The following DIXDC1 variants were observed in gnomAD, a reference collection of about 807,000 sequenced individuals.
DIXDC1 encodes dixin.
In DIXDC1, 64 loss-of-function variants were observed where a neutral mutation model predicts 103.1. The observed-to-expected ratio is 0.62, with a 90% CI of 0.51 to 0.76. The LOEUF (loss-of-function observed/expected upper bound fraction) is 0.76, where lower values mean the gene tolerates loss of function less well. Ranked by LOEUF, DIXDC1 falls within the 30% of genes least tolerant of loss-of-function variation. The probability of loss-of-function intolerance (pLI) is 0.00; values close to 1 mark genes in which losing one functional copy is unlikely to be tolerated. For synonymous variants in DIXDC1, 266 were observed against 298.5 expected (o/e 0.89, Z 1.12); for missense variants, 759 against 834.2 (o/e 0.91, Z 1.11).
chr11:111,944,354 G>A (rs890038554), intron 1 of DIXDC1, among the ~76,000 whole-genome samples: 7 of 152,180 alleles, frequency 4.6e-5, no homozygotes. Flanking sequence ...TCTAAGAACA[G>A]TAGATACCAC....
rs782507811 is a variant in DIXDC1, at chr11:111,974,008, C to T, written c.317-15C>T. 5.2e-5 allele frequency: 84 copies of T among 1,611,980 alleles called. No homozygotes were observed. The highest frequency in any genetic ancestry group is 2.3e-4 in the Admixed American group (14 of 59,940). On this transcript the variant is annotated splice_polypyrimidine_tract_variant and intron_variant, in intron 3 of 19. Coordinates refer to ENST00000440460, the MANE Select transcript of DIXDC1 (RefSeq NM_001037954.4). ...CTCTTGGTCTGTTTTATTCTTGGTC[C>T]GTTTTATCCTTCAGATATTGTGGAT...
At chr11:111,968,826 G>A (rs1426546376) in intron 3 of DIXDC1, among the ~76,000 whole-genome samples, 188 bp downstream of exon 3, 3 of 152,086 alleles carry the variant, frequency 2.0e-5, no homozygotes, top group African/African-American at 4.8e-5. Flanking sequence ...CCAGGCTGGA[G>A]TGCAATGGCA....
In DIXDC1 at chr11:112,020,775, C is replaced by T. The variant is rs1861732311; in HGVS notation, c.*1739C>T. ...GCAGAGAGAAGGAGCTCAAAAGATA[C>T]TTGATGTCTTTCATGTAAGTTTACC... On this transcript the variant is annotated 3_prime_UTR_variant, in exon 20 of 20. Coordinates refer to ENST00000440460, the MANE Select transcript of DIXDC1 (RefSeq NM_001037954.4). 1 of 152,214 alleles carries T rather than the reference C, an allele frequency of 6.6e-6. No individual in the cohort carries two copies. 9.4% of individuals were successfully genotyped at this position (152,214 alleles called of 1,614,324 possible). A position where few individuals can be genotyped will look rare whatever the true frequency, so the allele number is the denominator to read the frequency against.
chr11:111,952,358 A>G (rs2137475518), intron 1 of DIXDC1, among the ~76,000 whole-genome samples: 1 of 152,366 alleles, frequency 6.6e-6, no homozygotes, highest in South Asian at 2.1e-4. Flanking sequence ...AATTGACACT[A>G]AAGTTCATAT....
chr11:111,928,183 C>A (rs1379142125), intron 1 of DIXDC1, among the ~76,000 whole-genome samples: 3 of 152,078 alleles, frequency 2.0e-5, no homozygotes, highest in African/African-American at 7.3e-5. Context: ...CAGGCAGATT[C>A]AGAAAAGGTG....
Position 111,992,512 on chromosome 11 carries a change from A to G in DIXDC1, c.1211A>G (p.Asn404Ser). The change falls in exon 11 of 20, where the codon AAC (asparagine) becomes AGC (serine). Residue 404 changes from asparagine (N) to serine (S), a missense_variant. By Grantham distance (46) the Asn-to-Ser change is conservative. Around this residue, in one of 3 missense-constraint regions of DIXDC1, gnomAD observed 657 missense variants for 727.5 expected, o/e 0.90. Coordinates refer to ENST00000440460, the MANE Select transcript of DIXDC1 (RefSeq NM_001037954.4). ...RANMDKDELHNQNVDLQRKLD... is the reference protein window; with the variant it reads ...RANMDKDELHSQNVDLQRKLD... ...AATATGGACAAAGATGAGCTGCACA[A>G]CCAGAATGTGAGTTAAATGAATGAG... is the stretch of plus-strand genomic sequence containing the variant. The G allele has an allele frequency of 1.3e-6, 2 of 1,563,780 alleles. No homozygotes were observed. The highest frequency in any genetic ancestry group is 1.9e-5 in the Admixed American group (1 of 52,390).
Position 111,977,739 on chromosome 11 carries a change from AG to A in DIXDC1, c.656+2758del. On this transcript the variant is annotated intron_variant, in intron 5 of 19. Coordinates refer to ENST00000440460, the MANE Select transcript of DIXDC1 (RefSeq NM_001037954.4). The surrounding 1 kb of genome is among the most constrained non-coding windows in gnomAD (Gnocchi z 6.1). ...AGCCTCCCACTTCACCCGGGGACGCAGGCTTGCTGAAGCCCGAGACAGGAGG... is the reference window on the plus strand; with the variant it reads ...AGCCTCCCACTTCACCCGGGGACGCAGCTTGCTGAAGCCCGAGACAGGAGG... 1 of 1,559,290 alleles carries A rather than the reference AG, an allele frequency of 6.4e-7. No individual in the cohort carries two copies. The highest frequency in any genetic ancestry group is 1.2e-5 in the South Asian group (1 of 84,620).
intron 1 of DIXDC1, among the ~76,000 whole-genome samples, chr11:111,948,646 T>G (rs1966676883): frequency 6.6e-6 from 1 of 151,136 alleles, no homozygotes; most frequent in Admixed American, 6.6e-5. Context: ...CAGTCAGTGT[T>G]CTTTCCATCT....
chr11:111,935,111 C>G (rs1966151187), upstream of DIXDC1, among the ~76,000 whole-genome samples: 1 of 148,618 alleles, frequency 6.7e-6, no homozygotes, highest in Non-Finnish European at 1.5e-5. Flanking sequence ...GACCATATGC[C>G]TTATAATACA....
intron 1 of DIXDC1, among the ~76,000 whole-genome samples, chr11:111,963,389 T>C (rs781924511): frequency 2.0e-5 from 3 of 152,226 alleles, no homozygotes; most frequent in Non-Finnish European, 4.4e-5. Flanking sequence ...GTCTTAGCAC[T>C]GTCTTCCAAA....
At chr11:112,007,547 C>A (rs1861275088) in intron 17 of DIXDC1, among the ~76,000 whole-genome samples, 1 of 152,168 alleles carries the variant, frequency 6.6e-6, no homozygotes, top group Non-Finnish European at 1.5e-5. Flanking sequence ...ATGTTAAGGG[C>A]AGCCAGAGAG....
intron 18 of DIXDC1, 70 bp downstream of exon 18, chr11:112,016,866 C>G (rs1861606580): frequency 8.3e-6 from 11 of 1,324,108 alleles, no homozygotes; most frequent in Non-Finnish European, 1.2e-5. Flanking sequence ...TAGTTACTGC[C>G]CACATGAGCA....
At chr11:111,988,112 C>T (rs929714482) in intron 9 of DIXDC1, among the ~76,000 whole-genome samples, 185 of 152,256 alleles carry the variant, frequency 1.2e-3, no homozygotes, top group African/African-American at 4.1e-3. Context: ...GATCCTCCCA[C>T]CTCAGCCTCC....
At chr11:112,000,687 T>C (rs1459000374) in intron 17 of DIXDC1, among the ~76,000 whole-genome samples, 2 of 150,564 alleles carry the variant, frequency 1.3e-5, no homozygotes, top group Non-Finnish European at 3.0e-5. Flanking sequence ...CAGGGCAAGA[T>C]TCTGTCTAAA....
At chr11:111,937,631 C>T (rs2137434788) in intron 1 of DIXDC1, 72 bp downstream of exon 1, 1 of 1,379,510 alleles carries the variant, frequency 7.2e-7, no homozygotes, top group Non-Finnish European at 1.0e-6. Context: ...CGGAAGGGGT[C>T]CTCCTCCTCC....
In DIXDC1 at chr11:111,980,689, A is replaced by G. The variant is rs199680746; in HGVS notation, c.657-48A>G. 422 of 1,503,710 alleles carry G rather than the reference A, an allele frequency of 2.8e-4. 2 individuals are homozygous for G. Among genetic ancestry groups the G allele is most frequent in the Non-Finnish European group, 6.1e-5 (66 of 1,089,576 alleles). 93.1% of individuals were successfully genotyped at this position (1,503,710 alleles called of 1,614,324 possible). A position where few individuals can be genotyped will look rare whatever the true frequency, so the allele number is the denominator to read the frequency against. The stretch of plus-strand genomic sequence containing the variant: ...AATAAATTATGAAAGCTGCTTTCTG[A>G]ACAACTCTTCATAATAATCGTTTTT... On this transcript the variant is annotated intron_variant, in intron 5 of 19. Coordinates refer to ENST00000440460, the MANE Select transcript of DIXDC1 (RefSeq NM_001037954.4).
chr11:111,949,096 A>G (rs1299222482), intron 1 of DIXDC1, among the ~76,000 whole-genome samples: 2 of 151,902 alleles, frequency 1.3e-5, no homozygotes, highest in Non-Finnish European at 2.9e-5. Context: ...ATGTGAAGGG[A>G]AAAATATATG....
chr11:112,017,138 C>G lies in DIXDC1; in HGVS notation c.1862+342C>G, dbSNP rs757315651. Among the ~76,000 whole-genome samples, 122 of 151,796 alleles carry G rather than the reference C, an allele frequency of 8.0e-4. 1 individual carries two copies. The highest frequency in any genetic ancestry group is 1.3e-3 in the Non-Finnish European group (89 of 67,968). On this transcript the variant is annotated intron_variant, in intron 18 of 19. Coordinates refer to ENST00000440460, the MANE Select transcript of DIXDC1 (RefSeq NM_001037954.4). The surrounding 1 kb of genome is among the most constrained non-coding windows in gnomAD (Gnocchi z 4.0). ...TGATACAATGGATTGCAGCCTGGCA[C>G]TCACTCCAGGACTATGACTAATTGA... is the stretch of plus-strand genomic sequence containing the variant.
At chr11:112,014,958 C>T (rs771779551) in intron 17 of DIXDC1, among the ~76,000 whole-genome samples, 1 of 151,626 alleles carries the variant, frequency 6.6e-6, no homozygotes, top group South Asian at 2.1e-4. Context: ...GATCTCGGCT[C>T]ACTGCAACCT....
Sources: allele counts gnomAD v4.1 joint callset (sites outside exome capture counted in the v4.1 genomes callset), GRCh38; gene constraint gnomAD v4.1.1; regional missense constraint gnomAD v4.1.1; non-coding constraint Gnocchi (gnomAD v3.1); transcripts MANE v1.5; gene names NCBI Gene and HGNC (gene_info 2026-07-23, HGNC 2026-07-21).